The following NEDD4 variants were observed in gnomAD, a reference collection of about 807,000 sequenced individuals.
NEDD4 encodes the protein NEDD4 E3 ubiquitin protein ligase.
A neutral mutation model predicts 144.9 loss-of-function variants in NEDD4; 99 were observed. That is an observed-to-expected ratio of 0.68 (90% CI 0.58 to 0.81). The LOEUF (loss-of-function observed/expected upper bound fraction) is 0.81. Ranked by LOEUF, NEDD4 falls within the 30% of genes least tolerant of loss-of-function variation. The pLI is 0.00. For missense variants in NEDD4, 985 were observed against 1,065.9 expected (o/e 0.92, Z 1.06); for synonymous variants, 318 against 350.6 (o/e 0.91, Z 1.04).
intron 4 of NEDD4, among the ~76,000 whole-genome samples, chr15:55,949,547 A>C (rs545245361): frequency 2.6e-5 from 4 of 152,354 alleles, no homozygotes; most frequent in African/African-American, 9.6e-5. Context: ...ACTTGGAACC[A>C]ACCCAAATGT....
At chr15:55,831,192 T>A (rs74998877) in intron 27 of NEDD4, among the ~76,000 whole-genome samples, 1 of 152,160 alleles carries the variant, frequency 6.6e-6, no homozygotes, top group African/African-American at 2.4e-5. Flanking sequence ...AATGTTGAGA[T>A]TACAGGCATG....
chr15:55,900,339 T>C (rs62043810), intron 5 of NEDD4, among the ~76,000 whole-genome samples: 13,399 of 152,198 alleles, frequency 0.088, 660 homozygotes, highest in Middle Eastern at 0.16. Flanking sequence ...CTTGGGATCT[T>C]TTATGAGAAG....
intron 4 of NEDD4, among the ~76,000 whole-genome samples, chr15:55,933,666 C>A (rs1043487545): frequency 2.6e-5 from 4 of 151,754 alleles, no homozygotes; most frequent in Non-Finnish European, 5.9e-5. Context: ...TACGTGTACC[C>A]TAGAACTTAA....
At chr15:55,903,768 T>C (rs573334047) in intron 5 of NEDD4, among the ~76,000 whole-genome samples, 2 of 138,144 alleles carry the variant, frequency 1.4e-5, no homozygotes, top group Non-Finnish European at 3.1e-5. Flanking sequence ...GAGGTTGCAA[T>C]GAGCCGAGAT....
At chr15:55,984,921 G>A (rs1368610614) in intron 1 of NEDD4, among the ~76,000 whole-genome samples, 17 of 152,240 alleles carry the variant, frequency 1.1e-4, no homozygotes, top group African/African-American at 4.1e-4. Flanking sequence ...CTCTGGAGTA[G>A]ATAACCATGA....
intron 1 of NEDD4, among the ~76,000 whole-genome samples, chr15:55,988,487 TAAAA>T (rs56688563): frequency 9.8e-6 from 1 of 101,708 alleles, no homozygotes; most frequent in Non-Finnish European, 1.8e-5. Context: ...AAAAAAAAAT[TAAAA>T]AAAAAAAAAA....
chr15:55,864,386 T>TA (rs141543647), intron 8 of NEDD4, among the ~76,000 whole-genome samples: 114 of 147,680 alleles, frequency 7.7e-4, no homozygotes, highest in East Asian at 9.8e-4. Context: ...GTATTATGAT[T>TA]AAAAAAAAAA....
At chr15:55,954,751 C>G (rs2037307125) in intron 2 of NEDD4, among the ~76,000 whole-genome samples, 2 of 152,126 alleles carry the variant, frequency 1.3e-5, no homozygotes, top group South Asian at 4.1e-4. Flanking sequence ...CTTCAACTCC[C>G]AGTTTCAGGT....
intron 9 of NEDD4, 112 bp downstream of exon 9, chr15:55,862,801 A>G: frequency 1.1e-6 from 1 of 924,076 alleles, no homozygotes; most frequent in East Asian, 2.9e-5. Flanking sequence ...TAGTATTCTT[A>G]TAGTTTATGG....
At chr15:55,892,136 G>A (rs1432115778) in intron 5 of NEDD4, among the ~76,000 whole-genome samples, 1 of 151,808 alleles carries the variant, frequency 6.6e-6, no homozygotes. Flanking sequence ...CGTGGTGGTG[G>A]CCACCTAGAA....
chr15:55,852,062 G>A (rs540226522), intron 13 of NEDD4, among the ~76,000 whole-genome samples: 7 of 151,934 alleles, frequency 4.6e-5, no homozygotes, highest in Admixed American at 2.6e-4. Context: ...TTAGGAGGCC[G>A]AGGTGGGTGG....
chr15:55,970,319 C>A (rs1209653785), intron 1 of NEDD4, among the ~76,000 whole-genome samples: 1 of 152,180 alleles, frequency 6.6e-6, no homozygotes, highest in Non-Finnish European at 1.5e-5. Flanking sequence ...TTTCTAGAAC[C>A]ACCGTGGGCC....
At chr15:55,915,645 T>C in intron 5 of NEDD4, 1 of 1,613,690 alleles carries the variant, frequency 6.2e-7, no homozygotes, top group Non-Finnish European at 8.5e-7. Flanking sequence ...TGGTTTACAA[T>C]CACCATTTGT....
intron 4 of NEDD4, among the ~76,000 whole-genome samples, chr15:55,949,226 A>C (rs1214957499): frequency 6.6e-6 from 1 of 152,234 alleles, no homozygotes; most frequent in African/African-American, 2.4e-5. Context: ...GCCATCAGAG[A>C]AATGCAAATC....
intron 4 of NEDD4, among the ~76,000 whole-genome samples, chr15:55,948,135 C>A (rs1284132580): frequency 6.6e-6 from 1 of 152,184 alleles, no homozygotes; most frequent in East Asian, 1.9e-4. Flanking sequence ...TGCAAAATCA[C>A]AAGCATTCTT....
chr15:55,941,326 A>C (rs1156941338), intron 4 of NEDD4, among the ~76,000 whole-genome samples: 1 of 152,200 alleles, frequency 6.6e-6, no homozygotes, highest in Non-Finnish European at 1.5e-5. Flanking sequence ...TTTATATACA[A>C]GTATTTAAAG....
At chr15:55,835,103 T>C (rs1473713441) in intron 24 of NEDD4, among the ~76,000 whole-genome samples, 2 of 152,156 alleles carry the variant, frequency 1.3e-5, no homozygotes, top group African/African-American at 4.8e-5. Context: ...CAAAAACTAA[T>C]GACTCTCTTT....
At chr15:55,880,388 G>C (rs868381059) in intron 5 of NEDD4, among the ~76,000 whole-genome samples, 10 of 152,154 alleles carry the variant, frequency 6.6e-5, no homozygotes, top group African/African-American at 2.4e-4. Context: ...ACATTTCAGA[G>C]CACCAGAGAT....
chr15:55,850,446 T>A, intron 14 of NEDD4, 96 bp downstream of exon 14: 3 of 1,093,580 alleles, frequency 2.7e-6, no homozygotes, highest in Non-Finnish European at 2.7e-6. Flanking sequence ...TTAGGAAACA[T>A]AGGTTATACT....
Sources: allele counts gnomAD v4.1 joint callset (sites outside exome capture counted in the v4.1 genomes callset), GRCh38; gene constraint gnomAD v4.1.1; transcripts MANE v1.5; gene names NCBI Gene and HGNC (gene_info 2026-07-23, HGNC 2026-07-21).